SLC26A5: variants seen among roughly 807,000 people sequenced by gnomAD.
The protein encoded by SLC26A5 is solute carrier family 26 member 5, also known as prestin.
A neutral mutation model predicts 81.0 loss-of-function variants in SLC26A5; 51 were observed. The ratio of observed to expected loss-of-function variants is 0.63; its 90% confidence interval spans 0.50 to 0.80. The LOEUF is 0.80. Ranked by LOEUF, SLC26A5 falls within the 30% of genes least tolerant of loss-of-function variation. The pLI is 0.00. For synonymous variants in SLC26A5, 325 were observed against 332.8 expected (o/e 0.98, Z 0.25); for missense variants, 771 against 905.8 (o/e 0.85, Z 1.91).
At chr7:103,370,405 C>A (rs3924533), downstream of SLC26A5, among the ~76,000 whole-genome samples, 133,540 of 144,258 alleles carry the variant, frequency 0.93, 62,787 homozygotes, top group East Asian at 1. Flanking sequence ...AACACACACA[C>A]AAAAACACAC....
At position 103,392,796 on chromosome 7, in the gene SLC26A5, C is replaced by T. The variant is rs1460850318; in HGVS notation, c.1119+123G>A. On this transcript the variant is annotated intron_variant, in intron 10 of 19. Transcript: ENST00000306312. ...GTTTCACCATGTTAGCCAGGATGGT[C>T]TCAATCTCCTGACCTCATGATCCGC... The T allele has an allele frequency of 2.2e-5, 27 of 1,215,458 alleles. No homozygotes were observed. The South Asian group carries it at 3.3e-4, about 15-fold the overall frequency. The allele number at this position is 1,215,458 out of a possible 1,614,324, so 75.3% of individuals were successfully genotyped here.
chr7:103,403,014 GC>G (rs1372270214), intron 8 of SLC26A5, among the ~76,000 whole-genome samples: 13 of 152,246 alleles, frequency 8.5e-5, no homozygotes, highest in African/African-American at 2.9e-4. Context: ...GGCATTTAGT[GC>G]TATAAATTTC....
At chr7:103,406,319 C>T (rs184613377) in intron 8 of SLC26A5, among the ~76,000 whole-genome samples, 142 of 152,276 alleles carry the variant, frequency 9.3e-4, no homozygotes, top group African/African-American at 3.3e-3. Flanking sequence ...TGTAGGCACC[C>T]AGGGGAGTCT....
At chr7:103,415,704 T>C (rs1025223798) in intron 4 of SLC26A5, among the ~76,000 whole-genome samples, 2 of 152,276 alleles carry the variant, frequency 1.3e-5, no homozygotes, top group African/African-American at 4.8e-5. Flanking sequence ...CTTTTCATTA[T>C]GTGACTTTTT....
chr7:103,358,749 C>A (rs1820186677), intron 19 of SLC26A5, among the ~76,000 whole-genome samples: 1 of 151,992 alleles, frequency 6.6e-6, no homozygotes, highest in Admixed American at 6.6e-5. Flanking sequence ...AATCTAGGTA[C>A]ATTTTTCTAG....
At chr7:103,429,845 G>A (rs1001628196) in intron 2 of SLC26A5, among the ~76,000 whole-genome samples, 2 of 152,220 alleles carry the variant, frequency 1.3e-5, no homozygotes, top group Admixed American at 6.5e-5. Context: ...CAGGGGCCAA[G>A]GTTGCCATAG....
intron 16 of SLC26A5, 119 bp from the exon 17 acceptor site, chr7:103,378,672 C>A (rs1446030662): frequency 8.3e-6 from 7 of 839,740 alleles, no homozygotes; most frequent in Non-Finnish European, 1.2e-5. Context: ...TCACCCCAAC[C>A]CTTGCACTGC....
downstream of SLC26A5, chr7:103,374,150 A>G (rs1821172070): frequency 7.2e-6 from 9 of 1,255,562 alleles, no homozygotes; most frequent in South Asian, 2.0e-4. Context: ...GCTTACAAAG[A>G]TAATACTAGA....
At position 103,393,049 on chromosome 7, in the gene SLC26A5, T is replaced by C. The variant is rs117444825; in HGVS notation, c.989A>G (p.Asn330Ser). 0.016 allele frequency: 26,082 copies of C among 1,613,928 alleles called. 262 individuals are homozygous for C. The highest frequency in any genetic ancestry group is 0.021 in the Non-Finnish European group (24,212 of 1,179,850). ...AAGGTGGAAGAGGCTGGTGTCCGGA[T>C]TGGCTGGAGGTAGCAGCCTGAAAAG... ...TLPLGLLPPANPDTSLFHLVY... is the reference protein window; with the variant it reads ...TLPLGLLPPASPDTSLFHLVY... Residue 330 changes from asparagine (N) to serine (S), a missense_variant, in exon 10 of 20, where the codon AAT (asparagine) becomes AGT (serine). Asn to Ser is a conservative substitution (Grantham distance 46). Transcript: ENST00000306312.
intron 2 of SLC26A5, among the ~76,000 whole-genome samples, chr7:103,439,682 C>A (rs1380630379): frequency 6.6e-6 from 1 of 152,158 alleles, no homozygotes; most frequent in Non-Finnish European, 1.5e-5. Flanking sequence ...TACAGGCATG[C>A]GCAACCATGC....
At chr7:103,391,318 G>T (rs1403013011) in intron 11 of SLC26A5, among the ~76,000 whole-genome samples, 1 of 152,188 alleles carries the variant, frequency 6.6e-6, no homozygotes, top group African/African-American at 2.4e-5. Flanking sequence ...GATGGTGATG[G>T]CATACTGCCC....
chr7:103,354,535 AT>A (rs1298247813), intron 19 of SLC26A5, among the ~76,000 whole-genome samples: 1 of 151,798 alleles, frequency 6.6e-6, no homozygotes, highest in African/African-American at 2.4e-5. Context: ...CGTCTGGCTA[AT>A]TTTTTGTATT....
rs1586212267 is a variant in SLC26A5 at position 103,379,122 on chromosome 7, A to G, written c.1677+121T>C. On this transcript the variant is annotated intron_variant, in intron 16 of 19. Transcript: ENST00000306312. ...TTTATGTTATGTATATTTTACTACA[A>G]TAAAAGAGAGAGAAACAAAGCGAGA... 30 of 755,028 alleles carry G rather than the reference A, an allele frequency of 4.0e-5. No individual in the cohort carries two copies. The East Asian group carries it at 7.8e-4, about 20-fold the overall frequency. 46.8% of individuals were successfully genotyped at this position (755,028 alleles called of 1,614,324 possible). A position where few individuals can be genotyped will look rare whatever the true frequency, so the allele number is the denominator to read the frequency against.
chr7:103,419,491 A>T (rs1825169569), intron 4 of SLC26A5, among the ~76,000 whole-genome samples: 1 of 150,316 alleles, frequency 6.7e-6, no homozygotes, highest in South Asian at 2.1e-4. Flanking sequence ...ATTTTCTCTC[A>T]TTCTTGACCT....
intron 2 of SLC26A5, among the ~76,000 whole-genome samples, chr7:103,437,190 C>T (rs1421162762): frequency 6.6e-6 from 1 of 152,210 alleles, no homozygotes; most frequent in Non-Finnish European, 1.5e-5. Context: ...AAATGTCCAG[C>T]ATTACCAATA....
At chr7:103,368,659 TAATC>T (rs1820851024) in intron 19 of SLC26A5, 2 of 152,150 alleles carry the variant, frequency 1.3e-5, no homozygotes, top group Admixed American at 1.3e-4. Context: ...GATTTCAAAT[TAATC>T]AGGAAGAATT....
intron 5 of SLC26A5, 150 bp downstream of exon 5, chr7:103,412,852 A>G (rs1824614253): frequency 1.5e-6 from 1 of 654,790 alleles, no homozygotes; most frequent in African/African-American, 1.8e-5. Context: ...CACCTGGCCG[A>G]GTGTAGGTTT....
At chr7:103,365,900 C>G (rs1820693981) in intron 19 of SLC26A5, among the ~76,000 whole-genome samples, 1 of 152,074 alleles carries the variant, frequency 6.6e-6, no homozygotes, top group African/African-American at 2.4e-5. Flanking sequence ...TGCACTCCAG[C>G]CTGGGCGACA....
In SLC26A5 at chr7:103,374,375, C is replaced by T. The variant is rs767395594; in HGVS notation, c.*24G>A. On this transcript the variant is annotated 3_prime_UTR_variant, in exon 20 of 20. Coordinates refer to ENST00000306312, the MANE Select transcript of SLC26A5 (RefSeq NM_198999.3). ...ATGAACTTCATGAGAGGCTTATAAC[C>T]CCATCCTAGGGTGAGGTCCTCATCT... 4.3e-6 allele frequency: 7 copies of T among 1,611,660 alleles called. No individual in the cohort carries two copies. Among genetic ancestry groups the T allele is most frequent in the Non-Finnish European group, 5.9e-6 (7 of 1,179,796 alleles).
Sources: allele counts gnomAD v4.1 joint callset (sites outside exome capture counted in the v4.1 genomes callset), GRCh38; gene constraint gnomAD v4.1.1; transcripts MANE v1.5; gene names NCBI Gene and HGNC (gene_info 2026-07-23, HGNC 2026-07-21).